Variants in HK1 observed in about 807,000 individuals in gnomAD.
HK1 encodes hexokinase-1.
Under a neutral mutation model 91.6 loss-of-function variants are expected in HK1, and 28 were observed. That is an observed-to-expected ratio of 0.31 (90% CI 0.23 to 0.42). HK1 has a LOEUF of 0.42. HK1 is among the 10% of genes least tolerant of loss of function. The pLI is 1.00. For synonymous variants in HK1, 430 were observed against 468.1 expected, an observed-to-expected ratio of 0.92 and a Z score of 1.05; for missense variants, 770 against 1,219.8, an observed-to-expected ratio of 0.63 and a Z score of 5.49.
intron 2 of HK1, among the ~76,000 whole-genome samples, chr10:69,350,408 G>A (rs1378316732): frequency 6.6e-6 from 1 of 152,148 alleles, no homozygotes; most frequent in East Asian, 1.9e-4. Context: ...GCAGCGTATA[G>A]GACCAGCACT....
At chr10:69,399,250 C>T (rs1840280643) in intron 17 of HK1, among the ~76,000 whole-genome samples, 1 of 152,178 alleles carries the variant, frequency 6.6e-6, no homozygotes, top group Non-Finnish European at 1.5e-5. Context: ...GTGGTTCACA[C>T]CTGTAATCCA....
intron 5 of HK1, among the ~76,000 whole-genome samples, chr10:69,301,050 C>T (rs1845840868): frequency 6.6e-6 from 1 of 151,862 alleles, no homozygotes; most frequent in African/African-American, 2.4e-5. Context: ...CAAGACCAGC[C>T]TTGGTTTCAG....
At chr10:69,391,195 G>T (rs1329713311) in intron 14 of HK1, among the ~76,000 whole-genome samples, 3 of 152,224 alleles carry the variant, frequency 2.0e-5, no homozygotes, top group African/African-American at 4.8e-5. Context: ...ATCTTCAAAG[G>T]TCTGATACAA....
chr10:69,280,567 T>G lies in HK1; in HGVS notation c.-390-1962T>G, dbSNP rs112982534. ...TAGAAGGTGGGGTCTTTGGAGGTTA[T>G]TAAGTCATGAGGGTGGAGCCCTCAC... On this transcript the variant is annotated intron_variant, in intron 1 of 21. Transcript: ENST00000360289. Among the ~76,000 whole-genome samples the G allele has an allele frequency of 2.3e-3, 354 of 152,296 alleles. 3 individuals are homozygous for G. The highest frequency in any genetic ancestry group is 2.4e-3 in the Non-Finnish European group (163 of 68,016).
intron 1 of HK1, among the ~76,000 whole-genome samples, chr10:69,274,515 T>A (rs766724012): frequency 4.3e-4 from 66 of 151,908 alleles, no homozygotes; most frequent in Non-Finnish European, 8.4e-4. Flanking sequence ...GGAGAATTGC[T>A]TGAACTCAGG....
chr10:69,396,285 A>G (rs1282897667), intron 16 of HK1, among the ~76,000 whole-genome samples: 5 of 150,704 alleles, frequency 3.3e-5, no homozygotes, highest in East Asian at 2.0e-4. Context: ...AAAAAAAAAA[A>G]AGAGAAAGAA....
chr10:69,302,946 C>T (rs1845953257), intron 5 of HK1, among the ~76,000 whole-genome samples: 1 of 152,094 alleles, frequency 6.6e-6, no homozygotes, highest in South Asian at 2.1e-4. Flanking sequence ...GCCTGGAACA[C>T]TCTTTTCCTA....
intron 1 of HK1, chr10:69,271,067 A>C (rs1360736570): frequency 6.6e-6 from 1 of 152,252 alleles, no homozygotes; most frequent in Non-Finnish European, 1.5e-5. Flanking sequence ...ACTGAAGACC[A>C]AAAGAAATAA....
At chr10:69,379,132 G>T (rs558420358) in intron 8 of HK1, among the ~76,000 whole-genome samples, 1 of 152,112 alleles carries the variant, frequency 6.6e-6, no homozygotes, top group Admixed American at 6.5e-5. Context: ...TATTTGGGGC[G>T]AGGTTGGTTT....
upstream of HK1, chr10:69,316,084 G>A (rs980079003): frequency 8.1e-6 from 10 of 1,233,970 alleles, no homozygotes; most frequent in Non-Finnish European, 1.2e-5. Context: ...TGGTCAGGCA[G>A]AGGTGAGTGG....
upstream of HK1, chr10:69,317,965 G>A (rs1185610673): frequency 8.5e-6 from 7 of 826,782 alleles, no homozygotes; most frequent in South Asian, 1.1e-4. Context: ...TAGAAAACAC[G>A]GCACCTGGGA....
rs761781289 is a variant in HK1 at position 69,392,224 on chromosome 10, T to G, written c.2135T>G (p.Phe712Cys). The G allele has an allele frequency of 6.2e-7, 1 of 1,614,010 alleles. No individual in the cohort carries two copies. The highest frequency in any genetic ancestry group is 8.5e-7 in the Non-Finnish European group (1 of 1,179,996). Residue 712 changes from phenylalanine (F) to cysteine (C), a missense_variant, in exon 15 of 18, where the codon TTT becomes TGT. Physicochemically the swap from Phe to Cys is radical, Grantham distance 205 (BLOSUM62 -2). Coordinates refer to ENST00000359426, the MANE Select transcript of HK1 (RefSeq NM_000188.3). ...TGCATCAACATGGAGTGGGGGGCCT[T>G]TGGGGACAACGGGTGTCTGGATGAT... ...QMCINMEWGA[F>C]GDNGCLDDIR...
chr10:69,365,717 C>T (rs755699473), intron 4 of HK1, among the ~76,000 whole-genome samples: 5 of 152,218 alleles, frequency 3.3e-5, no homozygotes, highest in South Asian at 2.1e-4. Context: ...TAGCTGTGTG[C>T]GTTAACATGT....
At chr10:69,340,144 G>C (rs1291868844) in intron 1 of HK1, among the ~76,000 whole-genome samples, 1 of 152,208 alleles carries the variant, frequency 6.6e-6, no homozygotes, top group Non-Finnish European at 1.5e-5. Context: ...AGTATCATAG[G>C]AGATGGACAG....
At chr10:69,294,007 G>T (rs929070206) in intron 3 of HK1, among the ~76,000 whole-genome samples, 2 of 151,474 alleles carry the variant, frequency 1.3e-5, no homozygotes, top group African/African-American at 4.9e-5. Context: ...GACTACAGGC[G>T]CCCACCACCA....
chr10:69,372,815 G>A (rs1850083921), intron 7 of HK1, among the ~76,000 whole-genome samples: 1 of 152,062 alleles, frequency 6.6e-6, no homozygotes, highest in Non-Finnish European at 1.5e-5. Flanking sequence ...CCAGTCCTCT[G>A]TATTGTAAAA....
At chr10:69,309,481 T>C (rs1313834792) in intron 5 of HK1, among the ~76,000 whole-genome samples, 1 of 116,980 alleles carries the variant, frequency 8.5e-6, no homozygotes, top group Non-Finnish European at 1.7e-5. Context: ...GCGCCTGGCA[T>C]GACTTTGTCT....
At chr10:69,341,381 G>A (rs915082552) in intron 1 of HK1, among the ~76,000 whole-genome samples, 3 of 151,656 alleles carry the variant, frequency 2.0e-5, no homozygotes, top group Admixed American at 1.3e-4. Context: ...GGCTGCTCTC[G>A]AACTCCTGGC....
intron 3 of HK1, among the ~76,000 whole-genome samples, chr10:69,294,149 C>T (rs1293966497): frequency 6.6e-6 from 1 of 152,130 alleles, no homozygotes; most frequent in Admixed American, 6.6e-5. Context: ...GCGTGAGCCA[C>T]CGCGCCCGGC....
Sources: allele counts gnomAD v4.1 joint callset (sites outside exome capture counted in the v4.1 genomes callset), GRCh38; gene constraint gnomAD v4.1.1; transcripts MANE v1.5; gene names NCBI Gene and HGNC (gene_info 2026-07-23, HGNC 2026-07-21).